Variants in CTNND2 observed in about 807,000 individuals in gnomAD.
CTNND2 encodes catenin delta 2, also known as catenin delta-2.
CTNND2 carries 22 observed loss-of-function variants against 144.4 expected under a neutral mutation model. The observed-to-expected ratio is 0.15, with a 90% CI of 0.11 to 0.22. The LOEUF is 0.22. CTNND2 is among the 10% of genes least tolerant of loss of function. The pLI is 1.00. For missense variants in CTNND2, 1,353 were observed against 1,618.8 expected (o/e 0.84, Z 2.82); for synonymous variants, 751 against 695.6 (o/e 1.08, Z -1.25).
At chr5:11,242,896 T>C (rs1742600644) in intron 9 of CTNND2, among the ~76,000 whole-genome samples, 1 of 152,114 alleles carries the variant, frequency 6.6e-6, no homozygotes, top group African/African-American at 2.4e-5. Context: ...TAAAGAATAA[T>C]ACCACCTATT....
intron 9 of CTNND2, among the ~76,000 whole-genome samples, chr5:11,240,122 A>C (rs144386652): frequency 0.086 from 12,818 of 148,352 alleles, 746 homozygotes; most frequent in South Asian, 0.15. Flanking sequence ...ACACACACAC[A>C]CCCCCAACAC....
At chr5:11,845,524 A>G (rs1794693600) in intron 1 of CTNND2, among the ~76,000 whole-genome samples, 1 of 152,174 alleles carries the variant, frequency 6.6e-6, no homozygotes. Flanking sequence ...ATGAAAACAG[A>G]GCTTGGAGTG....
chr5:11,581,669 A>G (rs966435729), intron 2 of CTNND2, among the ~76,000 whole-genome samples: 1 of 152,236 alleles, frequency 6.6e-6, no homozygotes, highest in East Asian at 1.9e-4. Context: ...TCAAAATTAT[A>G]TAACTGTCAT....
At chr5:11,387,301 G>A (rs1759192363) in intron 6 of CTNND2, among the ~76,000 whole-genome samples, 1 of 151,786 alleles carries the variant, frequency 6.6e-6, no homozygotes, top group Admixed American at 6.6e-5. Context: ...ACCATAAACT[G>A]AACAAACTCT....
intron 2 of CTNND2, among the ~76,000 whole-genome samples, chr5:11,606,459 G>A (rs879815450): frequency 2.0e-5 from 3 of 151,844 alleles, no homozygotes; most frequent in South Asian, 2.1e-4. Context: ...GGGATGGCTC[G>A]GCTCTTTGGA....
At chr5:11,616,846 AC>A (rs576394018) in intron 2 of CTNND2, among the ~76,000 whole-genome samples, 2 of 152,030 alleles carry the variant, frequency 1.3e-5, no homozygotes, top group Non-Finnish European at 2.9e-5. Flanking sequence ...GCCTCAAGTG[AC>A]CCACATATCT....
intron 9 of CTNND2, among the ~76,000 whole-genome samples, chr5:11,309,349 C>T (rs1180102332): frequency 3.3e-5 from 5 of 152,188 alleles, no homozygotes; most frequent in African/African-American, 4.8e-5. Flanking sequence ...GCTTTGGGAG[C>T]CCACCCCTTG....
intron 18 of CTNND2, among the ~76,000 whole-genome samples, chr5:11,016,546 G>T (rs753253403): frequency 1.3e-5 from 2 of 152,184 alleles, no homozygotes; most frequent in African/African-American, 2.4e-5. Flanking sequence ...GCCAGTGAGT[G>T]GCCGGTGACC....
intron 1 of CTNND2, among the ~76,000 whole-genome samples, chr5:11,879,290 A>G (rs1193929854): frequency 7.1e-6 from 1 of 140,774 alleles, no homozygotes; most frequent in Non-Finnish European, 1.6e-5. Flanking sequence ...GTTTCTACCA[A>G]AATGAAATAT....
intron 9 of CTNND2, among the ~76,000 whole-genome samples, chr5:11,237,575 A>C (rs1012647047): frequency 5.3e-5 from 8 of 151,518 alleles, no homozygotes; most frequent in African/African-American, 1.7e-4. Context: ...ATTATAGCTC[A>C]CCGCAGCCTC....
intron 3 of CTNND2, among the ~76,000 whole-genome samples, chr5:11,476,654 G>A (rs1416650212): frequency 2.0e-5 from 3 of 152,064 alleles, no homozygotes; most frequent in Non-Finnish European, 4.4e-5. Context: ...TATGCCCAGA[G>A]AAAATTATTT....
chr5:11,308,283 C>A (rs1750463542), intron 9 of CTNND2, among the ~76,000 whole-genome samples: 1 of 151,282 alleles, frequency 6.6e-6, no homozygotes, highest in Admixed American at 6.6e-5. Flanking sequence ...CTTAATGTAT[C>A]ACATAGTGAT....
intron 1 of CTNND2, among the ~76,000 whole-genome samples, chr5:11,832,753 C>T (rs1793974801): frequency 6.6e-6 from 1 of 152,102 alleles, no homozygotes; most frequent in African/African-American, 2.4e-5. Flanking sequence ...CCAGCTTGAG[C>T]AATATGGTGA....
At chr5:11,612,056 G>T (rs190328721) in intron 2 of CTNND2, among the ~76,000 whole-genome samples, 1 of 115,858 alleles carries the variant, frequency 8.6e-6, no homozygotes, top group East Asian at 2.0e-4. Flanking sequence ...AATATCAGGG[G>T]TTCACCAAGC....
intron 16 of CTNND2, among the ~76,000 whole-genome samples, chr5:11,044,514 A>G (rs991201803): frequency 2.2e-5 from 3 of 138,176 alleles, no homozygotes; most frequent in Non-Finnish European, 3.1e-5. Flanking sequence ...AAGTGAGTAG[A>G]AACAACACAT....
intron 3 of CTNND2, among the ~76,000 whole-genome samples, chr5:11,416,454 A>G (rs1056182065): frequency 6.6e-6 from 1 of 152,202 alleles, no homozygotes; most frequent in African/African-American, 2.4e-5. Context: ...GACTGATCAC[A>G]GAGAATGGAA....
intron 2 of CTNND2, among the ~76,000 whole-genome samples, chr5:11,688,838 A>C (rs1406778044): frequency 6.6e-6 from 1 of 152,210 alleles, no homozygotes; most frequent in Non-Finnish European, 1.5e-5. Context: ...GGGAGAAAAC[A>C]GACTGAGATA....
At chr5:11,232,539 C>T (rs984059821) in intron 10 of CTNND2, among the ~76,000 whole-genome samples, 7 of 152,176 alleles carry the variant, frequency 4.6e-5, no homozygotes, top group Admixed American at 6.5e-5. Context: ...GCCTGTAGCC[C>T]CCTTGTTTTG....
chr5:11,727,519 CT>C (rs201092820), intron 2 of CTNND2, among the ~76,000 whole-genome samples: 27 of 151,240 alleles, frequency 1.8e-4, no homozygotes, highest in East Asian at 1.6e-3. Flanking sequence ...GAAATGCATG[CT>C]TTTTTTTTCA....
Sources: allele counts gnomAD v4.1 joint callset (sites outside exome capture counted in the v4.1 genomes callset), GRCh38; gene constraint gnomAD v4.1.1; transcripts MANE v1.5; gene names NCBI Gene and HGNC (gene_info 2026-07-23, HGNC 2026-07-21).